The following NF2 variants were observed in gnomAD, a reference collection of about 807,000 sequenced individuals.
NF2 encodes the protein merlin.
A neutral mutation model predicts 83.7 loss-of-function variants in NF2; 8 were observed. The ratio of observed to expected loss-of-function variants is 0.10; its 90% CI spans 0.06 to 0.17. The LOEUF (loss-of-function observed/expected upper bound fraction) is 0.17. Among genes scored for constraint, NF2 ranks in the 10% least tolerant of loss-of-function variants. NF2 has a pLI of 1.00. For synonymous variants in NF2, 266 were observed against 269.6 expected, an observed-to-expected ratio of 0.99 and a Z score of 0.13; for missense variants, 533 against 744.4, an observed-to-expected ratio of 0.72 and a Z score of 3.31.
chr22:29,629,371 G>A (rs1422911674), intron 1 of NF2, among the ~76,000 whole-genome samples: 1 of 152,144 alleles, frequency 6.6e-6, no homozygotes, highest in Non-Finnish European at 1.5e-5. Context: ...TTTCCATTGT[G>A]TTTTTCTTGT....
chr22:29,696,307 G>C lies in NF2; in HGVS notation c.*1505G>C, dbSNP rs1180110467. ...CTAGGCTGGTCTCAAACTCACACCT[G>C]GGATTACAGGCATGAGCCACTGCAC... is the stretch of plus-strand genomic sequence containing the variant. On this transcript the variant is annotated 3_prime_UTR_variant, in exon 16 of 16. Coordinates refer to ENST00000338641, the MANE Select transcript of NF2 (RefSeq NM_000268.4). 4.6e-6 allele frequency: 1 copy of C among 217,816 alleles called. No homozygotes were observed. Among genetic ancestry groups the C allele is most frequent in the African/African-American group, 2.3e-5 (1 of 44,202 alleles). 13.5% of individuals were successfully genotyped at this position (217,816 alleles called of 1,614,324 possible). A position where few individuals can be genotyped will look rare whatever the true frequency, so the allele number is the denominator to read the frequency against.
intron 1 of NF2, chr22:29,609,375 G>A (rs1297405471): frequency 5.2e-6 from 3 of 580,860 alleles, no homozygotes; most frequent in Non-Finnish European, 9.9e-6. Flanking sequence ...GTCCATAGGT[G>A]TGCAGAGGCG....
intron 11 of NF2, 119 bp from the exon 12 acceptor site, chr22:29,673,150 T>C: frequency 8.9e-7 from 1 of 1,119,126 alleles, no homozygotes; most frequent in Non-Finnish European, 1.3e-6. Context: ...TGGAGGGCAC[T>C]CAGCAGCAGG....
At chr22:29,665,693 G>A (rs2066600607) in intron 9 of NF2, among the ~76,000 whole-genome samples, 1 of 151,920 alleles carries the variant, frequency 6.6e-6, no homozygotes, top group Non-Finnish European at 1.5e-5. Context: ...GGCCGGGTGC[G>A]GTGGCTTACG....
intron 15 of NF2, among the ~76,000 whole-genome samples, chr22:29,682,644 T>C (rs2067169469): frequency 6.6e-6 from 1 of 152,186 alleles, no homozygotes. Flanking sequence ...CAAAACAAAA[T>C]TATTAAACAG....
At chr22:29,611,406 A>G (rs530419859) in intron 1 of NF2, among the ~76,000 whole-genome samples, 1 of 152,164 alleles carries the variant, frequency 6.6e-6, no homozygotes, top group East Asian at 1.9e-4. Context: ...GCATACCTAT[A>G]ATTGTAGCTA....
chr22:29,694,972 T>A lies in NF2; in HGVS notation c.*170T>A. The A allele has an allele frequency of 1.4e-6, 1 of 703,206 alleles. No homozygotes were observed. Among genetic ancestry groups the A allele is most frequent in the Non-Finnish European group, 2.6e-6 (1 of 390,228 alleles). 43.6% of individuals were successfully genotyped at this position (703,206 alleles called of 1,614,324 possible). On this transcript the variant is annotated 3_prime_UTR_variant, in exon 16 of 16. Coordinates refer to ENST00000338641, the MANE Select transcript of NF2 (RefSeq NM_000268.4). This position sits in a 1 kb window ranked among gnomAD's most constrained non-coding sequence, Gnocchi z 4.1. ...CCAGCCCCTCTTATGTGCAATTGCCTTGAACTACGACCCTGTAGAGATTTC... is the reference window on the plus strand; with the variant it reads ...CCAGCCCCTCTTATGTGCAATTGCCATGAACTACGACCCTGTAGAGATTTC...
At chr22:29,617,053 C>G (rs935168453) in intron 1 of NF2, among the ~76,000 whole-genome samples, 2 of 152,078 alleles carry the variant, frequency 1.3e-5, no homozygotes, top group African/African-American at 2.4e-5. Context: ...CTCAGCCTCC[C>G]AAGTAGCTGG....
rs1031337070 is a variant in NF2, at chr22:29,682,226, C to T, written c.1737+625C>T. Among the ~76,000 whole-genome samples, 3 of 152,038 alleles carry T rather than the reference C, an allele frequency of 2.0e-5. No homozygotes were observed. In the East Asian group the frequency reaches 5.8e-4, roughly 29 times the overall value. ...GCATACCTCTCTCATTTGGGCCAAGCAGAAGGGTCCTCTCATACCAAATAA... is the reference window on the plus strand; with the variant it reads ...GCATACCTCTCTCATTTGGGCCAAGTAGAAGGGTCCTCTCATACCAAATAA... On this transcript the variant is annotated intron_variant, in intron 15 of 15. Coordinates refer to ENST00000338641, the MANE Select transcript of NF2 (RefSeq NM_000268.4).
At chr22:29,691,680 G>C (rs1463224771) in intron 15 of NF2, among the ~76,000 whole-genome samples, 1 of 152,236 alleles carries the variant, frequency 6.6e-6, no homozygotes, top group African/African-American at 2.4e-5. Context: ...GCAGCAGATG[G>C]TGAAAGATCC....
rs148703036 is a variant in NF2, at chr22:29,696,118, GGTGGGA to G, written c.*1320_*1325del. On this transcript the variant is annotated 3_prime_UTR_variant, in exon 16 of 16. Transcript: ENST00000338641. ...AGATGGAGTCTCTCTCTGTCACCCAGGTGGGAGTGTGGTGGCACAATCTCGGCTCAC... is the reference window on the plus strand; with the variant it reads ...AGATGGAGTCTCTCTCTGTCACCCAGGTGTGGTGGCACAATCTCGGCTCAC... 373 of 215,840 alleles carry G rather than the reference GGTGGGA, an allele frequency of 1.7e-3. 4 individuals are homozygous for G. The South Asian group carries it at 0.022, about 13-fold the overall frequency. The allele number at this position is 215,840 out of a possible 1,614,324, so 13.4% of individuals were successfully genotyped here.
chr22:29,614,333 C>G (rs2065027910), intron 1 of NF2, among the ~76,000 whole-genome samples: 1 of 151,888 alleles, frequency 6.6e-6, no homozygotes. Flanking sequence ...AATCCCAGCA[C>G]TTCGGGAGGC....
chr22:29,609,289 G>GT, intron 1 of NF2: 1 of 692,394 alleles, frequency 1.4e-6, no homozygotes, highest in South Asian at 1.4e-5. Context: ...AAGATATGAT[G>GT]TTAAAGGTTC....
intron 4 of NF2, among the ~76,000 whole-genome samples, chr22:29,653,743 T>C (rs1378000062): frequency 6.6e-6 from 1 of 152,232 alleles, no homozygotes; most frequent in Non-Finnish European, 1.5e-5. Flanking sequence ...TGGTGGTATA[T>C]AGAAACAGCA....
At chr22:29,678,762 C>T (rs1364780662) in intron 14 of NF2, among the ~76,000 whole-genome samples, 2 of 152,190 alleles carry the variant, frequency 1.3e-5, no homozygotes, top group Admixed American at 6.5e-5. Flanking sequence ...GACTCAGGCT[C>T]GAGGCTAAGG....
chr22:29,670,283 C>T (rs1230033411), intron 10 of NF2, among the ~76,000 whole-genome samples: 4 of 152,076 alleles, frequency 2.6e-5, no homozygotes, highest in African/African-American at 9.7e-5. Flanking sequence ...CAGGCATGAG[C>T]TGCTATGCCT....
chr22:29,607,157 A>T (rs1401983937), intron 1 of NF2, among the ~76,000 whole-genome samples: 1 of 152,180 alleles, frequency 6.6e-6, no homozygotes, highest in African/African-American at 2.4e-5. Flanking sequence ...TACCCCCAAC[A>T]TGTGTACAAC....
chr22:29,642,778 A>G lies in NF2; in HGVS notation c.447+493A>G, dbSNP rs112266447. ...AGGTCCTCACTCCAAACTCATTTGC[A>G]AACAAGCTGCCTTGTGTGTGGACAC... On this transcript the variant is annotated intron_variant, in intron 4 of 15. Coordinates refer to ENST00000338641, the MANE Select transcript of NF2 (RefSeq NM_000268.4). 4.3e-3 allele frequency among the ~76,000 whole-genome samples: 655 copies of G among 152,210 alleles called. 10 individuals are homozygous for G. The Middle Eastern group carries it at 0.048, about 11-fold the overall frequency.
chr22:29,615,820 G>T (rs1204884689), intron 1 of NF2, among the ~76,000 whole-genome samples: 1 of 152,178 alleles, frequency 6.6e-6, no homozygotes, highest in Non-Finnish European at 1.5e-5. Context: ...TCAACTTACA[G>T]ATGTCTTCTC....
Sources: allele counts gnomAD v4.1 joint callset (sites outside exome capture counted in the v4.1 genomes callset), GRCh38; gene constraint gnomAD v4.1.1; non-coding constraint Gnocchi (gnomAD v3.1); transcripts MANE v1.5; gene names NCBI Gene and HGNC (gene_info 2026-07-23, HGNC 2026-07-21).